BOD1: variants seen among roughly 807,000 people sequenced by gnomAD.
BOD1 encodes the protein biorientation of chromosomes in cell division protein 1.
A neutral mutation model predicts 15.7 loss-of-function variants in BOD1; 11 were observed. The ratio of observed to expected loss-of-function variants is 0.70; its 90% CI spans 0.44 to 1.16. The LOEUF is 1.16. BOD1 is among the 50% of genes most tolerant of loss of function. BOD1 has a pLI of 0.00. For missense variants in BOD1, 182 were observed against 244.5 expected, an observed-to-expected ratio of 0.74 and a Z score of 1.70; for synonymous variants, 105 against 103.5, an observed-to-expected ratio of 1.01 and a Z score of -0.09.
intron 1 of BOD1, 71 bp downstream of exon 1, chr5:173,616,129 G>A: frequency 6.5e-7 from 1 of 1,531,274 alleles, no homozygotes; most frequent in Non-Finnish European, 8.8e-7. Flanking sequence ...CTCGGCTTTC[G>A]AAAATCAAAG....
At chr5:173,614,985 G>C (rs1261365524) in intron 1 of BOD1, 2 of 152,248 alleles carry the variant, frequency 1.3e-5, no homozygotes, top group Non-Finnish European at 2.9e-5. Context: ...CCTTGGATGG[G>C]GCGGGCTACT....
chr5:173,613,089 T>C (rs1341787291), intron 2 of BOD1, 42 bp downstream of exon 2: 2 of 1,607,500 alleles, frequency 1.2e-6, no homozygotes, highest in Admixed American at 3.4e-5. Context: ...ATCACACTTG[T>C]GATGACTGCC....
chr5:173,609,729 G>T, intron 2 of BOD1: 1 of 331,194 alleles, frequency 3.0e-6, no homozygotes, highest in Non-Finnish European at 5.6e-6. Flanking sequence ...ACAAACAAAT[G>T]ACAGCATGGT....
rs537254771 is a variant in BOD1 at position 173,616,556 on chromosome 5, G to A, written c.-120C>T. The A allele has an allele frequency of 6.5e-5, 90 of 1,389,816 alleles. No individual in the cohort carries two copies. In the African/African-American group the frequency reaches 1.0e-3, roughly 16 times the overall value. 86.1% of individuals were successfully genotyped at this position (1,389,816 alleles called of 1,614,324 possible). ...GGAGGAGGGCCCCAAGGCGGCAGCG[G>A]CGGAGGTGGCGATGGCGGCAGGGGC... On this transcript the variant is annotated 5_prime_UTR_variant, in exon 1 of 4. Coordinates refer to ENST00000311086, the MANE Select transcript of BOD1 (RefSeq NM_138369.3).
intron 1 of BOD1, chr5:173,614,911 GT>G (rs1755451992): frequency 6.6e-6 from 1 of 152,224 alleles, no homozygotes; most frequent in African/African-American, 2.4e-5. Flanking sequence ...TAAAATAGGG[GT>G]TACCTGAACA....
At chr5:173,615,045 A>C (rs1259055108) in intron 1 of BOD1, among the ~76,000 whole-genome samples, 1 of 152,240 alleles carries the variant, frequency 6.6e-6, no homozygotes. Flanking sequence ...GGAATATAAG[A>C]AATATGAATG....
chr5:173,608,941 A>C (rs1755274318), intron 3 of BOD1, among the ~76,000 whole-genome samples: 1 of 152,226 alleles, frequency 6.6e-6, no homozygotes, highest in Admixed American at 6.5e-5. Flanking sequence ...CATTTCAGCA[A>C]AATAAGACTT....
chr5:173,615,111 T>G (rs57738390), intron 1 of BOD1, among the ~76,000 whole-genome samples: 4,892 of 152,330 alleles, frequency 0.032, 267 homozygotes, highest in African/African-American at 0.11. Flanking sequence ...GGGATGTATA[T>G]GTATTAAATT....
intron 1 of BOD1, among the ~76,000 whole-genome samples, chr5:173,615,566 C>T (rs1472444010): frequency 6.6e-6 from 1 of 152,200 alleles, no homozygotes; most frequent in African/African-American, 2.4e-5. Flanking sequence ...CCCATTATTT[C>T]ATTGAATCCA....
chr5:173,616,524 C>T lies in BOD1; in HGVS notation c.-88G>A. 2.8e-6 allele frequency: 4 copies of T among 1,453,950 alleles called. No homozygotes were observed. The highest frequency in any genetic ancestry group is 2.6e-5 in the Admixed American group (1 of 38,042). The allele number at this position is 1,453,950 out of a possible 1,614,324, so 90.1% of individuals were successfully genotyped here. A position where few individuals can be genotyped will look rare whatever the true frequency, so the allele number is the denominator to read the frequency against. On this transcript the variant is annotated 5_prime_UTR_variant, in exon 1 of 4. Coordinates refer to ENST00000311086, the MANE Select transcript of BOD1 (RefSeq NM_138369.3). ...GAACGTGTAGAGGTGGTGAAGGGGG[C>T]GGTGAAGGAGGAGGGCCCCAAGGCG...
chr5:173,610,850 G>A (rs1314262763), intron 2 of BOD1, among the ~76,000 whole-genome samples: 1 of 152,160 alleles, frequency 6.6e-6, no homozygotes, highest in Non-Finnish European at 1.5e-5. Flanking sequence ...CAGAGCCTCC[G>A]CGAATGCAAT....
chr5:173,609,665 C>T, intron 2 of BOD1: 1 of 500,722 alleles, frequency 2.0e-6, no homozygotes, highest in South Asian at 3.1e-5. Flanking sequence ...CCCACAATCA[C>T]CCAACCTTGT....
At chr5:173,612,253 G>A (rs533341865) in intron 2 of BOD1, among the ~76,000 whole-genome samples, 7 of 152,274 alleles carry the variant, frequency 4.6e-5, no homozygotes, top group Admixed American at 3.3e-4. Context: ...AAGAGTCCAG[G>A]GAGTTCCACA....
In BOD1 at chr5:173,610,454, G is replaced by A. The variant is rs148703495; in HGVS notation, c.363-1020C>T. 5.1e-3 allele frequency among the ~76,000 whole-genome samples: 770 copies of A among 152,268 alleles called. 5 individuals are homozygous for A. Among genetic ancestry groups the A allele is most frequent in the Middle Eastern group, 0.041 (12 of 294 alleles). On this transcript the variant is annotated intron_variant, in intron 2 of 3. Coordinates refer to ENST00000311086, the MANE Select transcript of BOD1 (RefSeq NM_138369.3). ...ATGATTAGTGTGTAAAGTGCTCCCT[G>A]GATTCAATGGTAACTAACAGCTTAT...
chr5:173,611,251 G>A (rs1334120908), intron 2 of BOD1, among the ~76,000 whole-genome samples: 2 of 152,354 alleles, frequency 1.3e-5, no homozygotes, highest in Non-Finnish European at 2.9e-5. Context: ...ATAATTCAGT[G>A]CAATAGCACA....
rs1755251916 is a variant in BOD1 at position 173,608,157 on chromosome 5, G to A, written c.*137C>T. 9.3e-7 allele frequency: 1 copy of A among 1,074,436 alleles called. No homozygotes were observed. Among genetic ancestry groups the A allele is most frequent in the Non-Finnish European group, 1.4e-6 (1 of 695,798 alleles). 66.6% of individuals were successfully genotyped at this position (1,074,436 alleles called of 1,614,324 possible). On this transcript the variant is annotated 3_prime_UTR_variant, in exon 4 of 4. Transcript: ENST00000311086. ...CCGAACTTGCTCCCCTTTCAATCTG[G>A]TCACTGCCCATGGTCAAGGTTGAAA... is the stretch of plus-strand genomic sequence containing the variant.
chr5:173,613,884 T>C (rs1243910512), intron 1 of BOD1, among the ~76,000 whole-genome samples: 1 of 152,228 alleles, frequency 6.6e-6, no homozygotes, highest in Non-Finnish European at 1.5e-5. Flanking sequence ...GCCTTCTTTC[T>C]AGTAACTGTC....
At chr5:173,610,185 C>T (rs1046717381) in intron 2 of BOD1, among the ~76,000 whole-genome samples, 5 of 152,080 alleles carry the variant, frequency 3.3e-5, no homozygotes, top group African/African-American at 9.7e-5. Context: ...GAAAATAGCC[C>T]GTAAGGTTCA....
chr5:173,614,270 G>A (rs1755434350), intron 1 of BOD1, among the ~76,000 whole-genome samples: 1 of 152,136 alleles, frequency 6.6e-6, no homozygotes, highest in Non-Finnish European at 1.5e-5. Context: ...AAATCCTGAT[G>A]CCATACCGTC....
Sources: allele counts gnomAD v4.1 joint callset (sites outside exome capture counted in the v4.1 genomes callset), GRCh38; gene constraint gnomAD v4.1.1; transcripts MANE v1.5; gene names NCBI Gene and HGNC (gene_info 2026-07-23, HGNC 2026-07-21).